Variants in KIFAP3 observed in about 807,000 individuals in gnomAD.
KIFAP3 encodes kinesin-associated protein 3.
In KIFAP3, 68 loss-of-function variants were observed where a neutral mutation model predicts 106.5. The observed-to-expected ratio is 0.64, with a 90% CI of 0.53 to 0.78. The LOEUF is 0.78. Among genes scored for constraint, KIFAP3 ranks in the 30% least tolerant of loss-of-function variants. The pLI is 0.00. For missense variants in KIFAP3, 780 were observed against 941.8 expected, an observed-to-expected ratio of 0.83 and a Z score of 2.25; for synonymous variants, 320 against 311.5, an observed-to-expected ratio of 1.03 and a Z score of -0.29.
At chr1:170,000,054 T>C (rs1667579924) in intron 10 of KIFAP3, among the ~76,000 whole-genome samples, 1 of 152,132 alleles carries the variant, frequency 6.6e-6, no homozygotes, top group Non-Finnish European at 1.5e-5. Flanking sequence ...CTTCAGTTTT[T>C]TCATCTGTGA....
intron 2 of KIFAP3, among the ~76,000 whole-genome samples, chr1:170,054,257 G>T (rs756971414): frequency 3.7e-4 from 57 of 152,002 alleles, no homozygotes; most frequent in Non-Finnish European, 7.5e-4. Context: ...GCTCATCATC[G>T]GTCATTAGAA....
In KIFAP3 at chr1:169,981,964, T is replaced by C. The variant is rs561727607; in HGVS notation, c.1798+8A>G. On this transcript the variant is annotated splice_region_variant and intron_variant, in intron 15 of 19. Transcript: ENST00000361580. ...ACATTAACATAAAAATAAATTAAGG[T>C]TATTTACCATTTAGCAATTCAATGA... The C allele has an allele frequency of 6.2e-7, 1 of 1,606,054 alleles. No homozygotes were observed. Among genetic ancestry groups the C allele is most frequent in the South Asian group, 1.1e-5 (1 of 89,716 alleles).
intron 10 of KIFAP3, among the ~76,000 whole-genome samples, chr1:170,000,283 A>C (rs1184308778): frequency 1.3e-5 from 2 of 152,120 alleles, no homozygotes; most frequent in Admixed American, 1.3e-4. Context: ...TCTATACTCT[A>C]TGTCTTCTTC....
At chr1:170,032,088 C>T in intron 7 of KIFAP3, 104 bp from the exon 8 acceptor site, 1 of 663,844 alleles carries the variant, frequency 1.5e-6, no homozygotes, top group East Asian at 2.6e-5. Context: ...CAACTTTATC[C>T]AGTTATTTTT....
intron 19 of KIFAP3, among the ~76,000 whole-genome samples, chr1:169,940,911 A>ATGTGTGTG (rs3838394): frequency 3.4e-5 from 5 of 148,136 alleles, no homozygotes; most frequent in East Asian, 4.1e-4. Context: ...TTTAAGAATT[A>ATGTGTGTG]TGTGTGTGTG....
intron 3 of KIFAP3, among the ~76,000 whole-genome samples, chr1:170,044,254 T>C (rs1335298692): frequency 6.6e-6 from 1 of 152,212 alleles, no homozygotes; most frequent in Non-Finnish European, 1.5e-5. Flanking sequence ...ATGTTTCCTC[T>C]ACCTAGTACT....
At chr1:170,064,860 C>T (rs1294627004) in intron 1 of KIFAP3, among the ~76,000 whole-genome samples, 1 of 152,198 alleles carries the variant, frequency 6.6e-6, no homozygotes, top group Non-Finnish European at 1.5e-5. Context: ...AGAATAAGCA[C>T]AACTTGTTAA....
At chr1:169,946,836 G>A (rs1000186150) in intron 19 of KIFAP3, among the ~76,000 whole-genome samples, 12 of 151,696 alleles carry the variant, frequency 7.9e-5, no homozygotes, top group Non-Finnish European at 1.5e-4. Context: ...AAAGTAATTG[G>A]GACAGCTACT....
At chr1:169,924,824 T>C (rs1029071276) in intron 19 of KIFAP3, among the ~76,000 whole-genome samples, 10 of 152,180 alleles carry the variant, frequency 6.6e-5, no homozygotes, top group African/African-American at 2.2e-4. Flanking sequence ...TGTAAGTTCT[T>C]GAAAGAGATA....
At chr1:170,029,978 C>A (rs1402770171) in intron 8 of KIFAP3, among the ~76,000 whole-genome samples, 1 of 151,850 alleles carries the variant, frequency 6.6e-6, no homozygotes, top group African/African-American at 2.4e-5. Flanking sequence ...AAAATTAACT[C>A]AAAATATATT....
chr1:169,922,054 A>G (rs1268325104), intron 19 of KIFAP3, among the ~76,000 whole-genome samples: 1 of 152,202 alleles, frequency 6.6e-6, no homozygotes, highest in African/African-American at 2.4e-5. Context: ...GAAAAGTTTT[A>G]TTTAATAAAT....
At chr1:170,028,505 T>A (rs1019513549) in intron 8 of KIFAP3, among the ~76,000 whole-genome samples, 12 of 152,140 alleles carry the variant, frequency 7.9e-5, no homozygotes, top group Admixed American at 3.3e-4. Context: ...ACCCAGCTAA[T>A]TTTTGTTTTT....
intron 8 of KIFAP3, 88 bp from the exon 9 acceptor site, chr1:170,024,684 G>C: frequency 1.4e-6 from 1 of 737,598 alleles, no homozygotes; most frequent in South Asian, 3.5e-5. Flanking sequence ...AGGCAACAGA[G>C]ATAGCCCTAA....
Position 169,961,077 on chromosome 1 carries a change from A to G in KIFAP3, c.2142T>C (p.Ile714=), listed in dbSNP as rs200171663. 9.7e-5 allele frequency: 156 copies of G among 1,612,644 alleles called. 2 individuals are homozygous for G. The East Asian group carries it at 3.3e-3, about 35-fold the overall frequency. The stretch of plus-strand genomic sequence containing the variant: ...TGTAGAAAAGGTCAGGTCTTTCGAG[A>G]ATATCTCCTTCATGAATGTATGGCT... ...RIEPYIHEGD[I]LERPDLFYNS... is the part of the protein sequence containing the mutation. Residue 714 remains isoleucine (I), a synonymous_variant, in exon 18 of 20, where the codon ATT becomes ATC. Transcript: ENST00000361580.
intron 15 of KIFAP3, among the ~76,000 whole-genome samples, chr1:169,981,273 A>G (rs1021812179): frequency 6.6e-6 from 1 of 152,174 alleles, no homozygotes; most frequent in African/African-American, 2.4e-5. Context: ...ATTATGCACA[A>G]TTCTGAATAG....
intron 19 of KIFAP3, among the ~76,000 whole-genome samples, chr1:169,938,147 A>T (rs572740711): frequency 6.6e-6 from 1 of 151,876 alleles, no homozygotes; most frequent in East Asian, 1.9e-4. Flanking sequence ...ATAAAATAAA[A>T]TTTTTCTATG....
chr1:169,959,611 G>A (rs1665208354), intron 18 of KIFAP3, among the ~76,000 whole-genome samples: 1 of 152,020 alleles, frequency 6.6e-6, no homozygotes, highest in Non-Finnish European at 1.5e-5. Context: ...TAACTGTTTA[G>A]AAATCTGTTT....
rs139694844 is a variant in KIFAP3, at chr1:169,963,031, T to G, written c.1984-1796A>C. 1.7e-3 allele frequency among the ~76,000 whole-genome samples: 264 copies of G among 152,308 alleles called. 4 individuals are homozygous for G. The East Asian group carries it at 0.04, about 23-fold the overall frequency. On this transcript the variant is annotated intron_variant, in intron 17 of 19. Transcript: ENST00000361580. ...AGGTAAACTGTGTGTCATGGGGGTT[T>G]GGTGTACAGATTGTCACCCAGGTAA... is the stretch of plus-strand genomic sequence containing the variant.
chr1:169,987,620 G>C (rs918596561), intron 11 of KIFAP3, among the ~76,000 whole-genome samples: 1 of 152,084 alleles, frequency 6.6e-6, no homozygotes, highest in Non-Finnish European at 1.5e-5. Flanking sequence ...AAAGGGGGCT[G>C]TCAGAAAGGA....
Sources: gnomAD v4.1 joint callset for allele counts (sites outside exome capture counted in the v4.1 genomes callset) on GRCh38, gnomAD v4.1.1 for gene constraint, MANE v1.5 for transcripts, NCBI Gene and HGNC (gene_info 2026-07-23, HGNC 2026-07-21) for gene names.